WDR33: variants seen among roughly 807,000 people sequenced by gnomAD.
WDR33 encodes the protein WD repeat domain 33.
Under a neutral mutation model 164.9 loss-of-function variants are expected in WDR33, and 47 were observed. The observed-to-expected ratio is 0.29, with a 90% CI of 0.23 to 0.36. The LOEUF (loss-of-function observed/expected upper bound fraction) is 0.36, where lower values mean the gene tolerates loss of function less well. WDR33 is among the 10% of genes least tolerant of loss of function. The pLI is 1.00. For missense variants in WDR33, 1,137 were observed against 1,754.1 expected, an observed-to-expected ratio of 0.65 and a Z score of 6.28; for synonymous variants, 505 against 589.0, an observed-to-expected ratio of 0.86 and a Z score of 2.06.
chr2:127,750,673 AAAAAATATATAT>A (rs1367461309), intron 7 of WDR33, among the ~76,000 whole-genome samples: 9 of 62,870 alleles, frequency 1.4e-4, no homozygotes, highest in South Asian at 1.5e-3. Context: ...AAAAAAAAAA[AAAAAATATATAT>A]ATATATATAT....
intron 7 of WDR33, among the ~76,000 whole-genome samples, chr2:127,748,987 CTT>C (rs1178143717): frequency 6.6e-6 from 1 of 151,578 alleles, no homozygotes; most frequent in African/African-American, 2.4e-5. Flanking sequence ...CATATGCACT[CTT>C]TTGATGAAAG....
At chr2:127,737,612 T>C in intron 7 of WDR33, 1 of 1,005,722 alleles carries the variant, frequency 9.9e-7, no homozygotes, top group Non-Finnish European at 1.2e-6. Context: ...ATAGATGTAT[T>C]AGTGCCAGCA....
At chr2:127,729,163 A>G (rs1335324133) in intron 7 of WDR33, among the ~76,000 whole-genome samples, 1 of 152,238 alleles carries the variant, frequency 6.6e-6, no homozygotes, top group East Asian at 1.9e-4. Flanking sequence ...AGCAAGCACA[A>G]ATACTTATGT....
Position 127,724,341 on chromosome 2 carries a change from G to T in WDR33, c.1188C>A (p.Asp396Glu). 1 of 1,613,730 alleles carries T rather than the reference G, an allele frequency of 6.2e-7. No homozygotes were observed. The highest frequency in any genetic ancestry group is 8.5e-7 in the Non-Finnish European group (1 of 1,179,750). Reference sequence around the variant, plus strand: ...TTCAATATAAAGCTTACCTAGTATGGTCATTTGAGCCTGAGCAGAGAATAT... The same window carrying T: ...TTCAATATAAAGCTTACCTAGTATGTTCATTTGAGCCTGAGCAGAGAATAT... Reference protein sequence around the residue: ...LGHILCSGSNDHTSKFWTRNR... With the variant: ...LGHILCSGSNEHTSKFWTRNR... Residue 396 changes from aspartate (D) to glutamate (E), a missense_variant, in exon 11 of 22, where the codon GAC becomes GAA. By Grantham distance (45) the Asp-to-Glu change is conservative. Coordinates refer to ENST00000322313, the MANE Select transcript of WDR33 (RefSeq NM_018383.5). The surrounding 1 kb of genome is among the most constrained non-coding windows in gnomAD (Gnocchi z 4.8).
chr2:127,798,419 A>G (rs1689120031), intron 1 of WDR33, among the ~76,000 whole-genome samples: 1 of 151,870 alleles, frequency 6.6e-6, no homozygotes, highest in Non-Finnish European at 1.5e-5. Flanking sequence ...ATTTAACAAA[A>G]TAGGAAAAGA....
At chr2:127,746,476 T>A (rs994956409) in intron 7 of WDR33, among the ~76,000 whole-genome samples, 4 of 152,218 alleles carry the variant, frequency 2.6e-5, no homozygotes, top group Non-Finnish European at 5.9e-5. Context: ...TCCTTGATAT[T>A]TATGACTTTA....
intron 7 of WDR33, among the ~76,000 whole-genome samples, chr2:127,761,320 C>T (rs943575269): frequency 1.1e-4 from 17 of 152,060 alleles, no homozygotes; most frequent in African/African-American, 3.6e-4. Flanking sequence ...CCTGCCTCAG[C>T]CTCCCGAGTA....
intron 1 of WDR33, among the ~76,000 whole-genome samples, chr2:127,788,261 T>C (rs1359767220): frequency 3.7e-5 from 4 of 109,384 alleles, no homozygotes; most frequent in Non-Finnish European, 5.6e-5. Flanking sequence ...CCCCCCCACC[T>C]CCCTCCCGGA....
intron 1 of WDR33, 151 bp downstream of exon 1, chr2:127,810,861 C>A (rs1163993994): frequency 6.5e-6 from 1 of 152,830 alleles, no homozygotes; most frequent in African/African-American, 2.4e-5. Flanking sequence ...CTGCCTCGAA[C>A]AGCCGCCCCG....
Position 127,726,088 on chromosome 2 carries a change from G to A in WDR33, c.851+563C>T, listed in dbSNP as rs190756394. Reference sequence around the variant, plus strand: ...CTCCAACCAATTCACTCTGAATATGGTTCTCTTCCCAATCAGAAAGACCAG... The same window carrying A: ...CTCCAACCAATTCACTCTGAATATGATTCTCTTCCCAATCAGAAAGACCAG... On this transcript the variant is annotated intron_variant, in intron 8 of 21. Transcript: ENST00000322313. This position sits in a 1 kb window ranked among gnomAD's most constrained non-coding sequence, Gnocchi z 4.8. 1.2e-4 allele frequency among the ~76,000 whole-genome samples: 18 copies of A among 152,260 alleles called. No individual in the cohort carries two copies. The highest frequency in any genetic ancestry group is 2.1e-4 in the South Asian group (1 of 4,834).
intron 7 of WDR33, among the ~76,000 whole-genome samples, chr2:127,754,297 T>C (rs1687455136): frequency 6.6e-6 from 1 of 152,248 alleles, no homozygotes; most frequent in African/African-American, 2.4e-5. Context: ...TATTATCAAA[T>C]CCGACCATCC....
In WDR33 at chr2:127,719,428, T is replaced by C. The variant is rs1686374799; in HGVS notation, c.2597A>G (p.Gln866Arg). The stretch of plus-strand genomic sequence containing the variant: ...CTGGGGTGGAGGTCCTAAAGAGCCC[T>C]GGGGCGGCCCCTGCTGACTTTGTGA... ...PGSQSQQGPP[Q>R]GSLGPPPQGG... is the part of the protein sequence containing the mutation. The change falls in exon 16 of 22, where the codon CAG becomes CGG. Residue 866 changes from glutamine to arginine, a missense_variant. Physicochemically the swap from Gln to Arg is conservative, Grantham distance 43. Transcript: ENST00000322313. The surrounding 1 kb of genome is among the most constrained non-coding windows in gnomAD (Gnocchi z 6.5). The C allele has an allele frequency of 7.1e-6, 11 of 1,558,720 alleles. No individual in the cohort carries two copies. The highest frequency in any genetic ancestry group is 1.4e-5 in the African/African-American group (1 of 73,048).
In WDR33 at chr2:127,811,052, G is replaced by A. The variant is rs908708578; in HGVS notation, c.-64C>T. 6.5e-6 allele frequency: 1 copy of A among 152,704 alleles called. No homozygotes were observed. Among genetic ancestry groups the A allele is most frequent in the Middle Eastern group, 3.2e-3 (1 of 316 alleles). The allele number at this position is 152,704 out of a possible 1,614,324, so 9.5% of individuals were successfully genotyped here. A position where few individuals can be genotyped will look rare whatever the true frequency, so the allele number is the denominator to read the frequency against. ...AGAGCTCCTAAATGGCCAGCGAAGC[G>A]TTCGCCTTCAGAGCCAGAAATGTCT... On this transcript the variant is annotated 5_prime_UTR_variant, in exon 1 of 22. In the 5' UTR this introduces an upstream ATG that the reference lacks. Transcript: ENST00000322313. The surrounding 1 kb of genome is among the most constrained non-coding windows in gnomAD (Gnocchi z 4.1).
rs1215815820 is a variant in WDR33, at chr2:127,718,698, T to C, written c.2760+567A>G. Among the ~76,000 whole-genome samples, 1 of 152,220 alleles carries C rather than the reference T, an allele frequency of 6.6e-6. No individual in the cohort carries two copies. The highest frequency in any genetic ancestry group is 1.5e-5 in the Non-Finnish European group (1 of 68,036). On this transcript the variant is annotated intron_variant, in intron 16 of 21. Transcript: ENST00000322313. This position sits in a 1 kb window ranked among gnomAD's most constrained non-coding sequence, Gnocchi z 4.4. ...ATCCAAAGGGTCACCATTTCCAGAA[T>C]GCTCAATTCTGGAATAACAGTCTCT...
chr2:127,771,924 GAGTC>G (rs1251803187), intron 1 of WDR33, among the ~76,000 whole-genome samples: 1 of 152,156 alleles, frequency 6.6e-6, no homozygotes, highest in Non-Finnish European at 1.5e-5. Context: ...GTGTATGTGT[GAGTC>G]AGTGGATGGG....
chr2:127,797,507 T>C (rs761949274), intron 1 of WDR33, among the ~76,000 whole-genome samples: 1 of 152,006 alleles, frequency 6.6e-6, no homozygotes, highest in Non-Finnish European at 1.5e-5. Flanking sequence ...AAAAAAGATA[T>C]TAAGCCAAAA....
rs774736858 is a variant in WDR33, at chr2:127,768,934, T to C, written c.272A>G (p.Asp91Gly). The change falls in exon 3 of 22, where the codon GAT becomes GGT. Residue 91 changes from aspartate (D) to glycine (G), a missense_variant and splice_region_variant. Physicochemically the swap from Asp to Gly is moderately conservative, Grantham distance 94 (BLOSUM62 -1). Transcript: ENST00000322313. ...TAGTATGACACATCATGTACTTACATCATTGTAATAACCTGCATCAGGCTG... is the reference window on the plus strand; with the variant it reads ...TAGTATGACACATCATGTACTTACACCATTGTAATAACCTGCATCAGGCTG... Reference protein sequence around the residue: ...AIQPDAGYYNDLVPPIGMLNN... With the variant: ...AIQPDAGYYNGLVPPIGMLNN... 2.5e-6 allele frequency: 4 copies of C among 1,595,688 alleles called. No individual in the cohort carries two copies. The highest frequency in any genetic ancestry group is 1.3e-5 in the African/African-American group (1 of 74,318).
At position 127,708,553 on chromosome 2, in the gene WDR33, G is replaced by T; in HGVS notation, c.3781+124C>A. The T allele has an allele frequency of 9.2e-7, 1 of 1,090,234 alleles. No individual in the cohort carries two copies. Among genetic ancestry groups the T allele is most frequent in the Non-Finnish European group, 1.3e-6 (1 of 769,430 alleles). 67.5% of individuals were successfully genotyped at this position (1,090,234 alleles called of 1,614,324 possible). ...CCAGATGACAGCTCGTGTGGCACTGGCACCACATTTAGGAGCATGTGCCTC... is the reference window on the plus strand; with the variant it reads ...CCAGATGACAGCTCGTGTGGCACTGTCACCACATTTAGGAGCATGTGCCTC... On this transcript the variant is annotated intron_variant, in intron 21 of 21. Coordinates refer to ENST00000322313, the MANE Select transcript of WDR33 (RefSeq NM_018383.5). The surrounding 1 kb of genome is among the most constrained non-coding windows in gnomAD (Gnocchi z 6.7).
rs762531074 is a variant in WDR33, at chr2:127,709,650, C to T, written c.3472+43G>A. 5 of 1,613,946 alleles carry T rather than the reference C, an allele frequency of 3.1e-6. No homozygotes were observed. The highest frequency in any genetic ancestry group is 4.2e-6 in the Non-Finnish European group (5 of 1,179,898). The stretch of plus-strand genomic sequence containing the variant: ...GTGTATTCACAACCAGTGTATTCTG[C>T]ACCCTATCCTTCCAGACCAGGTGTC... On this transcript the variant is annotated intron_variant, in intron 19 of 21. Coordinates refer to ENST00000322313, the MANE Select transcript of WDR33 (RefSeq NM_018383.5). This position sits in a 1 kb window ranked among gnomAD's most constrained non-coding sequence, Gnocchi z 5.0.
Sources: allele counts gnomAD v4.1 joint callset (sites outside exome capture counted in the v4.1 genomes callset), GRCh38; gene constraint gnomAD v4.1.1; non-coding constraint Gnocchi (gnomAD v3.1); transcripts MANE v1.5; gene names NCBI Gene and HGNC (gene_info 2026-07-23, HGNC 2026-07-21).